The following CCDC73 variants were observed in gnomAD, a reference collection of about 807,000 sequenced individuals.
The protein encoded by CCDC73 is coiled-coil domain-containing protein 73.
Under a neutral mutation model 116.5 loss-of-function variants are expected in CCDC73, and 95 were observed. The observed-to-expected ratio is 0.82, with a 90% CI of 0.69 to 0.97. CCDC73 has a LOEUF of 0.97. CCDC73 is among the 50% of genes least tolerant of loss of function. The pLI, the probability that CCDC73 is intolerant of heterozygous loss-of-function variation, is 0.00. For missense variants in CCDC73, 1,066 were observed against 1,206.8 expected (o/e 0.88, Z 1.73); for synonymous variants, 398 against 401.3 (o/e 0.99, Z 0.10).
At chr11:32,692,094 T>A (rs986307392) in intron 6 of CCDC73, among the ~76,000 whole-genome samples, 11 of 147,788 alleles carry the variant, frequency 7.4e-5, no homozygotes, top group African/African-American at 2.7e-4. Flanking sequence ...CCCATGGTCA[T>A]CTAGATTTTC....
chr11:32,744,032 T>C (rs566203490), intron 2 of CCDC73, among the ~76,000 whole-genome samples: 70 of 152,346 alleles, frequency 4.6e-4, no homozygotes, highest in African/African-American at 1.5e-3. Flanking sequence ...CAGTATGATA[T>C]TGGCTGTGGG....
At chr11:32,691,454 CAT>C (rs1856258009) in intron 6 of CCDC73, among the ~76,000 whole-genome samples, 1 of 152,180 alleles carries the variant, frequency 6.6e-6, no homozygotes, top group South Asian at 2.1e-4. Context: ...CCTGATGACA[CAT>C]GATGTGGCAC....
intron 3 of CCDC73, among the ~76,000 whole-genome samples, chr11:32,709,228 C>G (rs909579601): frequency 6.6e-6 from 1 of 152,134 alleles, no homozygotes; most frequent in African/African-American, 2.4e-5. Flanking sequence ...TCTGTTAAAC[C>G]ATCTCTGCAT....
the CCDC73 span, among the ~76,000 whole-genome samples, chr11:32,825,864 A>C: frequency 2.6e-5 from 4 of 152,188 alleles, no homozygotes; most frequent in Non-Finnish European, 5.9e-5. Flanking sequence ...ACATCAGTAC[A>C]CAGAGTGACA....
intron 9 of CCDC73, among the ~76,000 whole-genome samples, chr11:32,669,344 C>A (rs1416312600): frequency 6.6e-6 from 1 of 151,748 alleles, no homozygotes; most frequent in Non-Finnish European, 1.5e-5. Context: ...TTTATGGGTA[C>A]ATAGGTGTAT....
chr11:32,800,368 G>A, the CCDC73 span, among the ~76,000 whole-genome samples: 29 of 152,086 alleles, frequency 1.9e-4, no homozygotes, highest in African/African-American at 6.5e-4. Context: ...AGGTTGCAGT[G>A]GACTATGATC....
intron 9 of CCDC73, among the ~76,000 whole-genome samples, chr11:32,658,787 AT>A (rs924233516): frequency 3.9e-5 from 6 of 152,278 alleles, no homozygotes; most frequent in South Asian, 4.1e-4. Flanking sequence ...CTAAAAAAAA[AT>A]ATAATAGACT....
At chr11:32,778,359 G>C (rs543741337) in intron 1 of CCDC73, among the ~76,000 whole-genome samples, 1 of 152,270 alleles carries the variant, frequency 6.6e-6, no homozygotes, top group South Asian at 2.1e-4. Flanking sequence ...TTTAAAATAT[G>C]TACTGGAAAT....
chr11:32,675,879 C>T lies in CCDC73; in HGVS notation c.565+7G>A, dbSNP rs1475772669. On this transcript the variant is annotated splice_region_variant and intron_variant, in intron 8 of 17. Transcript: ENST00000335185. Reference sequence around the variant, plus strand: ...GAATATGTATATTTAAATAAGATAGCACATACCATTTTGTTCTAACTTTTC... The same window carrying T: ...GAATATGTATATTTAAATAAGATAGTACATACCATTTTGTTCTAACTTTTC... 7.6e-6 allele frequency: 12 copies of T among 1,585,758 alleles called. No homozygotes were observed. Among genetic ancestry groups the T allele is most frequent in the Non-Finnish European group, 1.0e-5 (12 of 1,165,856 alleles).
Position 32,616,069 on chromosome 11 carries a change from T to C in CCDC73, c.1246A>G (p.Ile416Val), listed in dbSNP as rs191760480. Reference sequence around the variant, plus strand: ...TGCTCAGTATTATATTTCTGTATAATGGTGTTTTCTGATTTTTCAGTTGAC... The same window carrying C: ...TGCTCAGTATTATATTTCTGTATAACGGTGTTTTCTGATTTTTCAGTTGAC... Reference protein sequence around the residue: ...EMSTEKSENTIIQKYNTEQEI... With the variant: ...EMSTEKSENTVIQKYNTEQEI... Residue 416 changes from isoleucine to valine, a missense_variant, in exon 15 of 18, where the codon ATT (isoleucine) becomes GTT (valine). By Grantham distance (29) the Ile-to-Val change is conservative. Coordinates refer to ENST00000335185, the MANE Select transcript of CCDC73 (RefSeq NM_001008391.4). 120 of 1,591,604 alleles carry C rather than the reference T, an allele frequency of 7.5e-5. No individual in the cohort carries two copies. Among genetic ancestry groups the C allele is most frequent in the Admixed American group, 2.4e-4 (13 of 54,356 alleles).
chr11:32,817,531 C>T, the CCDC73 span, among the ~76,000 whole-genome samples: 3,817 of 152,266 alleles, frequency 0.025, 152 homozygotes, highest in African/African-American at 0.085. Context: ...TTTAACATTG[C>T]CTTGAACAGT....
chr11:32,665,351 G>A (rs532479944), intron 9 of CCDC73, among the ~76,000 whole-genome samples: 121 of 152,220 alleles, frequency 7.9e-4, no homozygotes, highest in African/African-American at 2.7e-3. Context: ...CCTGTATTGG[G>A]TGCATATATA....
At chr11:32,610,891 A>T (rs917926355) in intron 17 of CCDC73, among the ~76,000 whole-genome samples, 2 of 152,206 alleles carry the variant, frequency 1.3e-5, no homozygotes, top group Non-Finnish European at 2.9e-5. Flanking sequence ...AGAAGTACAT[A>T]TCCGATGCCT....
the CCDC73 span, among the ~76,000 whole-genome samples, chr11:32,808,815 A>T: frequency 6.6e-6 from 1 of 152,236 alleles, no homozygotes; most frequent in Non-Finnish European, 1.5e-5. Context: ...TAATTGTTTA[A>T]TGCCAAATAA....
chr11:32,731,699 G>C (rs1016911622), intron 2 of CCDC73, among the ~76,000 whole-genome samples: 1 of 152,086 alleles, frequency 6.6e-6, no homozygotes, highest in Non-Finnish European at 1.5e-5. Flanking sequence ...TGCAGCTGAG[G>C]GTCCTGACTG....
the CCDC73 span, among the ~76,000 whole-genome samples, chr11:32,821,122 C>G: frequency 2.0e-5 from 3 of 152,052 alleles, no homozygotes; most frequent in African/African-American, 7.2e-5. Context: ...TTAGACAGTT[C>G]TTCTTCACTC....
chr11:32,737,350 T>C (rs1850142846), intron 2 of CCDC73, among the ~76,000 whole-genome samples: 1 of 151,018 alleles, frequency 6.6e-6, no homozygotes. Context: ...GCACAGTGGC[T>C]CACACCCATA....
the CCDC73 span, among the ~76,000 whole-genome samples, chr11:32,813,140 C>A: frequency 1.3e-5 from 2 of 151,716 alleles, no homozygotes; most frequent in East Asian, 3.9e-4. Flanking sequence ...TTATTTCTTC[C>A]GTTTTGTGAA....
At chr11:32,760,694 C>T (rs1850384490) in intron 1 of CCDC73, among the ~76,000 whole-genome samples, 1 of 152,160 alleles carries the variant, frequency 6.6e-6, no homozygotes, top group Non-Finnish European at 1.5e-5. Context: ...GGAAAAATTG[C>T]CTTTTATTAA....
Sources: gnomAD v4.1 joint callset for allele counts (sites outside exome capture counted in the v4.1 genomes callset) on GRCh38, gnomAD v4.1.1 for gene constraint, MANE v1.5 for transcripts, NCBI Gene and HGNC (gene_info 2026-07-23, HGNC 2026-07-21) for gene names.